FILIP1L: variants seen among roughly 807,000 people sequenced by gnomAD.
The protein encoded by FILIP1L is filamin A-interacting protein 1-like.
In FILIP1L, 55 loss-of-function variants were observed where a neutral mutation model predicts 96.6. That is an observed-to-expected ratio of 0.57 (90% CI 0.46 to 0.71). FILIP1L has a LOEUF of 0.71. Among genes scored for constraint, FILIP1L ranks in the 30% least tolerant of loss-of-function variants. The probability of loss-of-function intolerance (pLI) is 0.00; values close to 1 mark genes in which losing one functional copy is unlikely to be tolerated. For missense variants in FILIP1L, 1,304 were observed against 1,321.2 expected (o/e 0.99, Z 0.20); for synonymous variants, 467 against 473.9 (o/e 0.99, Z 0.19).
intron 1 of FILIP1L, among the ~76,000 whole-genome samples, chr3:100,009,252 G>A (rs1710074449): frequency 1.3e-5 from 2 of 152,222 alleles, no homozygotes; most frequent in East Asian, 3.9e-4. Flanking sequence ...AAGAATATAA[G>A]ATCTATCTTC....
At chr3:99,844,216 A>G (rs1423508492) in intron 5 of FILIP1L, among the ~76,000 whole-genome samples, 1 of 152,190 alleles carries the variant, frequency 6.6e-6, no homozygotes, top group African/African-American at 2.4e-5. Flanking sequence ...ACAATTAACC[A>G]GCAGAAGAGT....
intron 1 of FILIP1L, among the ~76,000 whole-genome samples, chr3:100,010,777 G>GA (rs1710127654): frequency 1.4e-5 from 1 of 73,348 alleles, no homozygotes; most frequent in African/African-American, 5.6e-5. Context: ...TCCACGCCCG[G>GA]ATTTTTTTTT....
intron 4 of FILIP1L, among the ~76,000 whole-genome samples, chr3:99,912,368 G>A (rs1214649095): frequency 1.3e-5 from 2 of 152,022 alleles, no homozygotes; most frequent in African/African-American, 4.8e-5. Context: ...GCACAGGGCT[G>A]CTGCTTCTTT....
chr3:99,990,297 AGAAG>A (rs957176019), intron 1 of FILIP1L, among the ~76,000 whole-genome samples: 11 of 152,198 alleles, frequency 7.2e-5, no homozygotes, highest in African/African-American at 2.7e-4. Context: ...GGCTTGAACC[AGAAG>A]CCACAGATTG....
chr3:99,997,148 A>G (rs1709708202), intron 1 of FILIP1L, among the ~76,000 whole-genome samples: 3 of 152,208 alleles, frequency 2.0e-5, no homozygotes, highest in Non-Finnish European at 4.4e-5. Flanking sequence ...GAAACAAGAA[A>G]AACCATACAA....
chr3:99,996,134 A>G (rs892536861), intron 1 of FILIP1L, among the ~76,000 whole-genome samples: 5 of 152,180 alleles, frequency 3.3e-5, no homozygotes, highest in Admixed American at 6.5e-5. Flanking sequence ...CTGAATGCCT[A>G]TAACAGCACC....
chr3:100,076,279 T>G (rs1471666750), intron 1 of FILIP1L, among the ~76,000 whole-genome samples: 2 of 152,160 alleles, frequency 1.3e-5, no homozygotes, highest in Non-Finnish European at 2.9e-5. Context: ...GTAAATATAT[T>G]TTTCCCTCTC....
At chr3:100,099,929 CAGTGTTATA>C (rs2066275939) in intron 1 of FILIP1L, among the ~76,000 whole-genome samples, 3 of 152,082 alleles carry the variant, frequency 2.0e-5, no homozygotes, top group African/African-American at 7.2e-5. Context: ...TCTGAAGCCA[CAGTGTTATA>C]AAGATCATCC....
intron 1 of FILIP1L, among the ~76,000 whole-genome samples, chr3:100,003,523 A>G (rs1047855482): frequency 2.0e-5 from 3 of 152,172 alleles, no homozygotes; most frequent in Admixed American, 6.6e-5. Flanking sequence ...TGAAGTATCC[A>G]TTTTGTAGAT....
At chr3:100,046,613 C>T (rs2065283193) in intron 1 of FILIP1L, among the ~76,000 whole-genome samples, 1 of 152,078 alleles carries the variant, frequency 6.6e-6, no homozygotes, top group Non-Finnish European at 1.5e-5. Context: ...AAGAGGGGTC[C>T]TGTTGTCATT....
At chr3:99,961,564 A>T (rs1171755095) in intron 1 of FILIP1L, among the ~76,000 whole-genome samples, 2 of 152,154 alleles carry the variant, frequency 1.3e-5, no homozygotes, top group African/African-American at 4.8e-5. Flanking sequence ...TGGTCAAAGT[A>T]TCCCATGTTT....
chr3:99,871,972 C>T (rs1944810268), intron 4 of FILIP1L, among the ~76,000 whole-genome samples: 1 of 151,998 alleles, frequency 6.6e-6, no homozygotes, highest in South Asian at 2.1e-4. Context: ...TACTTAAGAA[C>T]TTTGAACCTT....
intron 4 of FILIP1L, among the ~76,000 whole-genome samples, chr3:99,872,935 AAAG>A (rs1046076933): frequency 3.9e-5 from 6 of 151,942 alleles, no homozygotes; most frequent in Non-Finnish European, 8.8e-5. Context: ...TTTTTTAAAA[AAAG>A]GAGGGATGTG....
intron 1 of FILIP1L, among the ~76,000 whole-genome samples, chr3:99,979,368 G>A (rs1576616111): frequency 6.6e-6 from 1 of 152,304 alleles, no homozygotes; most frequent in East Asian, 1.9e-4. Context: ...AGAGTTAAGA[G>A]ATGTTAACCA....
chr3:99,892,951 C>G (rs1353917820), intron 4 of FILIP1L, among the ~76,000 whole-genome samples: 1 of 152,020 alleles, frequency 6.6e-6, no homozygotes, highest in Non-Finnish European at 1.5e-5. Flanking sequence ...AGATGAGGCC[C>G]CTGTTGGTGC....
At chr3:99,838,768 T>C (rs1361680716) in intron 5 of FILIP1L, among the ~76,000 whole-genome samples, 1 of 152,230 alleles carries the variant, frequency 6.6e-6, no homozygotes, top group Non-Finnish European at 1.5e-5. Flanking sequence ...TTAATCTACT[T>C]ATCCCTAAAG....
chr3:99,891,430 T>C (rs1706079635), intron 4 of FILIP1L, among the ~76,000 whole-genome samples: 1 of 152,242 alleles, frequency 6.6e-6, no homozygotes, highest in Admixed American at 6.5e-5. Context: ...TTTTGTGCTT[T>C]GCTTTACCTT....
chr3:99,848,198 G>A (rs1266274145), intron 5 of FILIP1L, 97 bp downstream of exon 5: 17 of 1,564,700 alleles, frequency 1.1e-5, no homozygotes, highest in Non-Finnish European at 1.5e-5. Context: ...AGTCTTGGGG[G>A]ATATGGAGGG....
chr3:99,973,024 G>A (rs1310929879), intron 1 of FILIP1L, among the ~76,000 whole-genome samples: 2 of 152,120 alleles, frequency 1.3e-5, no homozygotes, highest in Non-Finnish European at 2.9e-5. Flanking sequence ...ACCACTAAAA[G>A]CTCCCCTTTT....
Sources: gnomAD v4.1 joint callset for allele counts (sites outside exome capture counted in the v4.1 genomes callset) on GRCh38, gnomAD v4.1.1 for gene constraint, MANE v1.5 for transcripts, NCBI Gene and HGNC (gene_info 2026-07-23, HGNC 2026-07-21) for gene names.